TNFRSF1A: variants seen among roughly 807,000 people sequenced by gnomAD.
TNFRSF1A encodes the protein tumor necrosis factor receptor superfamily member 1A.
Under a neutral mutation model 41.6 loss-of-function variants are expected in TNFRSF1A, and 9 were observed. That is an observed-to-expected ratio of 0.22 (90% CI 0.13 to 0.38). The LOEUF (loss-of-function observed/expected upper bound fraction) is 0.38, where lower values mean the gene tolerates loss of function less well. Ranked by LOEUF, TNFRSF1A falls within the 10% of genes least tolerant of loss-of-function variation. TNFRSF1A has a pLI of 1.00. For synonymous variants in TNFRSF1A, 254 were observed against 248.6 expected (o/e 1.02, Z -0.21); for missense variants, 463 against 591.5 (o/e 0.78, Z 2.25).
In TNFRSF1A at chr12:6,329,144, G is replaced by C; in HGVS notation, c.*168C>G. 2 of 609,680 alleles carry C rather than the reference G, an allele frequency of 3.3e-6. No homozygotes were observed. The highest frequency in any genetic ancestry group is 5.0e-6 in the Non-Finnish European group (2 of 396,508). 37.8% of individuals were successfully genotyped at this position (609,680 alleles called of 1,614,324 possible). A position where few individuals can be genotyped will look rare whatever the true frequency, so the allele number is the denominator to read the frequency against. On this transcript the variant is annotated 3_prime_UTR_variant, in exon 10 of 10. Transcript: ENST00000162749. ...CTCCGCGCGCACAGCGCTGACTGTC[G>C]GCGGCGCGCAGGCAGCTGAGAAAAG...
Position 6,333,591 on chromosome 12 carries a change from G to A in TNFRSF1A, c.323-75C>T. On this transcript the variant is annotated intron_variant, in intron 3 of 9. Coordinates refer to ENST00000162749, the MANE Select transcript of TNFRSF1A (RefSeq NM_001065.4). The surrounding 1 kb of genome is among the most constrained non-coding windows in gnomAD (Gnocchi z 6.3). ...CATCCCCTTCCTGACATACCCCTAA[G>A]TGTGTGTCTCTGTAATACACACTCA... 2 of 1,606,316 alleles carry A rather than the reference G, an allele frequency of 1.2e-6. No individual in the cohort carries two copies. The highest frequency in any genetic ancestry group is 1.1e-5 in the South Asian group (1 of 90,148).
intron 5 of TNFRSF1A, among the ~76,000 whole-genome samples, chr12:6,332,801 G>A (rs1030320551): frequency 2.6e-5 from 4 of 152,186 alleles, no homozygotes; most frequent in Non-Finnish European, 4.4e-5. Flanking sequence ...GAACCAATGA[G>A]CTATCGTAGA....
Position 6,329,886 on chromosome 12 carries a change from G to A in TNFRSF1A, c.949C>T (p.Pro317Ser), listed in dbSNP as rs201619736. The change falls in exon 9 of 10, where the codon CCC becomes TCC. Residue 317 changes from proline to serine, a missense_variant. Physicochemically the swap from Pro to Ser is moderately conservative, Grantham distance 74. Transcript: ENST00000162749. ...AGGATGGGGTCAGCCCCCTGATAGG[G>A]TGGTGCCACCTCTCTGCGGGGAGCC... ...FAAPRREVAP[P>S]YQGADPILAT... 2 of 1,586,582 alleles carry A rather than the reference G, an allele frequency of 1.3e-6. No homozygotes were observed. Among genetic ancestry groups the A allele is most frequent in the Non-Finnish European group, 1.7e-6 (2 of 1,166,040 alleles).
In TNFRSF1A at chr12:6,333,155, G is replaced by A; in HGVS notation, c.473-8C>T. ...TGTTCTGTTTCTCCTGGCCTGTAGG[G>A]AGAAGTGCGGCACAGCTAAAGGAGA... On this transcript the variant is annotated splice_polypyrimidine_tract_variant and splice_region_variant and intron_variant, in intron 4 of 9. Coordinates refer to ENST00000162749, the MANE Select transcript of TNFRSF1A (RefSeq NM_001065.4). The surrounding 1 kb of genome is among the most constrained non-coding windows in gnomAD (Gnocchi z 6.3). The A allele has an allele frequency of 1.9e-6, 3 of 1,614,090 alleles. No individual in the cohort carries two copies. Among genetic ancestry groups the A allele is most frequent in the Non-Finnish European group, 2.5e-6 (3 of 1,179,930 alleles).
chr12:6,330,445 T>C (rs1266362926), intron 7 of TNFRSF1A, 150 bp from the exon 8 acceptor site: 1 of 1,007,708 alleles, frequency 9.9e-7, no homozygotes, highest in Non-Finnish European at 1.6e-6. Context: ...GCTCGACATC[T>C]CCCCAGCCAT....
chr12:6,333,694 A>C lies in TNFRSF1A; in HGVS notation c.322+43T>G. The C allele has an allele frequency of 2.6e-6, 4 of 1,558,996 alleles. No individual in the cohort carries two copies. Among genetic ancestry groups the C allele is most frequent in the Non-Finnish European group, 3.5e-6 (4 of 1,151,050 alleles). The stretch of plus-strand genomic sequence containing the variant: ...CCTGCACATAGACAGGCACCCACAC[A>C]CCACTCAAGACCCGCCTGACTCTCC... On this transcript the variant is annotated intron_variant, in intron 3 of 9. Transcript: ENST00000162749. The surrounding 1 kb of genome is among the most constrained non-coding windows in gnomAD (Gnocchi z 6.3).
Position 6,329,954 on chromosome 12 carries a change from G to A in TNFRSF1A, c.881C>T (p.Thr294Ile). The A allele has an allele frequency of 6.3e-7, 1 of 1,576,504 alleles. No individual in the cohort carries two copies. Among genetic ancestry groups the A allele is most frequent in the Admixed American group, 1.9e-5 (1 of 53,784 alleles). Residue 294 changes from threonine to isoleucine, a missense_variant, in exon 9 of 10, where the codon ACC (threonine) becomes ATC (isoleucine). Thr to Ile is a moderately conservative substitution (Grantham distance 89). Coordinates refer to ENST00000162749, the MANE Select transcript of TNFRSF1A (RefSeq NM_001065.4). ...ACCGGGGGTATAGGTGGAGCTGGAG[G>A]TGAAGGTGGAACTGGGCACGGGACT... ...GFSPVPSSTF[T>I]SSSTYTPGDC...
chr12:6,333,463 C>G lies in TNFRSF1A; in HGVS notation c.376G>C (p.Gly126Arg). ...SCTVDRDTVCGCRKNQYRHYW... is the reference protein window; with the variant it reads ...SCTVDRDTVCRCRKNQYRHYW... ...TGCCGGTACTGGTTCTTCCTGCAGCCACACACGGTGTCCCGGTCCACTGTG... is the reference window on the plus strand; with the variant it reads ...TGCCGGTACTGGTTCTTCCTGCAGCGACACACGGTGTCCCGGTCCACTGTG... The change falls in exon 4 of 10, where the codon GGC becomes CGC. Residue 126 changes from glycine (G) to arginine (R), a missense_variant. Transcript: ENST00000162749. The surrounding 1 kb of genome is among the most constrained non-coding windows in gnomAD (Gnocchi z 6.3). 1 of 1,614,152 alleles carries G rather than the reference C, an allele frequency of 6.2e-7. No individual in the cohort carries two copies. Among genetic ancestry groups the G allele is most frequent in the Non-Finnish European group, 8.5e-7 (1 of 1,180,034 alleles).
chr12:6,328,894 A>C lies in TNFRSF1A; in HGVS notation c.*418T>G. 5.7e-6 allele frequency: 1 copy of C among 176,008 alleles called. No homozygotes were observed. The allele number at this position is 176,008 out of a possible 1,614,324, so 10.9% of individuals were successfully genotyped here. A position where few individuals can be genotyped will look rare whatever the true frequency, so the allele number is the denominator to read the frequency against. ...CTATGTGCTTGTCCAGGCAGAGGGC[A>C]CAGGAGTGCCAAGTTTCTATTAGTG... On this transcript the variant is annotated 3_prime_UTR_variant, in exon 10 of 10. Coordinates refer to ENST00000162749, the MANE Select transcript of TNFRSF1A (RefSeq NM_001065.4).
At chr12:6,330,478 G>A in intron 7 of TNFRSF1A, 120 bp downstream of exon 7, 1 of 999,828 alleles carries the variant, frequency 1.0e-6, no homozygotes, top group Non-Finnish European at 1.6e-6. Context: ...TCTGCCCAGA[G>A]TCCCCAGCGG....
rs1298450239 is a variant in TNFRSF1A, at chr12:6,334,780, G to A, written c.40-536C>T. Among the ~76,000 whole-genome samples, 5 of 152,194 alleles carry A rather than the reference G, an allele frequency of 3.3e-5. No homozygotes were observed. Among genetic ancestry groups the A allele is most frequent in the Admixed American group, 6.5e-5 (1 of 15,284 alleles). ...TTCCCAAAGTGCTAGGATTACAGGC[G>A]TGAGCCCAGCCCTGTATTTTATCCT... On this transcript the variant is annotated intron_variant, in intron 1 of 9. Coordinates refer to ENST00000162749, the MANE Select transcript of TNFRSF1A (RefSeq NM_001065.4). The surrounding 1 kb of genome is among the most constrained non-coding windows in gnomAD (Gnocchi z 5.1).
At chr12:6,339,392 G>C (rs1178153769) in intron 1 of TNFRSF1A, among the ~76,000 whole-genome samples, 2 of 152,208 alleles carry the variant, frequency 1.3e-5, no homozygotes, top group Non-Finnish European at 2.9e-5. Context: ...ATGGGTGCTA[G>C]GGATGCTGAG....
intron 7 of TNFRSF1A, 101 bp from the exon 8 acceptor site, chr12:6,330,396 G>A (rs965432834): frequency 8.3e-7 from 1 of 1,204,396 alleles, no homozygotes; most frequent in Non-Finnish European, 1.2e-6. Flanking sequence ...CATGCCTCAG[G>A]GCCTATGTGG....
At chr12:6,329,669 C>G (rs748956200) in intron 9 of TNFRSF1A, 47 bp from the exon 10 acceptor site, 8 of 1,547,940 alleles carry the variant, frequency 5.2e-6, no homozygotes, top group Non-Finnish European at 7.0e-6. Context: ...CCCCAGGCCC[C>G]GCCCCGCATC....
chr12:6,332,433 CAAAAAAAAAAAAA>C (rs34324660), intron 5 of TNFRSF1A, among the ~76,000 whole-genome samples: 5 of 39,738 alleles, frequency 1.3e-4, no homozygotes, highest in East Asian at 5.7e-4. Context: ...AACCCTGTCT[CAAAAAAAAAAAAA>C]AAAAAAAAAC....
chr12:6,338,829 T>C (rs2136830028), intron 1 of TNFRSF1A, among the ~76,000 whole-genome samples: 1 of 152,228 alleles, frequency 6.6e-6, no homozygotes, highest in South Asian at 2.1e-4. Flanking sequence ...AGGGTTTTGC[T>C]GTGTTGCCCA....
At chr12:6,332,061 G>T (rs1015320893) in intron 5 of TNFRSF1A, 5 of 257,312 alleles carry the variant, frequency 1.9e-5, no homozygotes, top group Non-Finnish European at 7.6e-6. Flanking sequence ...TGTGTCAGAC[G>T]TGTTGTAGGT....
chr12:6,333,649 T>C lies in TNFRSF1A; in HGVS notation c.322+88A>G. On this transcript the variant is annotated intron_variant, in intron 3 of 9. Coordinates refer to ENST00000162749, the MANE Select transcript of TNFRSF1A (RefSeq NM_001065.4). This position sits in a 1 kb window ranked among gnomAD's most constrained non-coding sequence, Gnocchi z 6.3. Reference sequence around the variant, plus strand: ...GCAGTGTCCCACCAAAACACACACCTTCCTGCCCACACCCACCAGCCTGCA... The same window carrying C: ...GCAGTGTCCCACCAAAACACACACCCTCCTGCCCACACCCACCAGCCTGCA... The C allele has an allele frequency of 1.9e-6, 3 of 1,566,992 alleles. No individual in the cohort carries two copies. Among genetic ancestry groups the C allele is most frequent in the South Asian group, 2.3e-5 (2 of 86,162 alleles).
Position 6,334,079 on chromosome 12 carries a change from A to T in TNFRSF1A, c.193+12T>A, listed in dbSNP as rs1253956285. The stretch of plus-strand genomic sequence containing the variant: ...AGACCTGAGGGCATTCACCGTTTCC[A>T]CTTGCCCCTACCTTTGTGGCACTTG... On this transcript the variant is annotated intron_variant, in intron 2 of 9. Coordinates refer to ENST00000162749, the MANE Select transcript of TNFRSF1A (RefSeq NM_001065.4). This position sits in a 1 kb window ranked among gnomAD's most constrained non-coding sequence, Gnocchi z 5.1. The T allele has an allele frequency of 6.2e-7, 1 of 1,614,094 alleles. No individual in the cohort carries two copies. Among genetic ancestry groups the T allele is most frequent in the Non-Finnish European group, 8.5e-7 (1 of 1,180,028 alleles).
Sources: allele counts gnomAD v4.1 joint callset (sites outside exome capture counted in the v4.1 genomes callset), GRCh38; gene constraint gnomAD v4.1.1; non-coding constraint Gnocchi (gnomAD v3.1); transcripts MANE v1.5; gene names NCBI Gene and HGNC (gene_info 2026-07-23, HGNC 2026-07-21).